NRG1: variants seen among roughly 807,000 people sequenced by gnomAD.
NRG1 encodes the protein neuregulin 1, also known as pro-neuregulin-1, membrane-bound isoform.
In NRG1, 18 loss-of-function variants were observed where a neutral mutation model predicts 63.8. The ratio of observed to expected loss-of-function variants is 0.28; its 90% confidence interval spans 0.19 to 0.42. NRG1 has a LOEUF of 0.42. Ranked by LOEUF, NRG1 falls within the 10% of genes least tolerant of loss-of-function variation. NRG1 has a pLI of 1.00. For missense variants in NRG1, 762 were observed against 814.7 expected, an observed-to-expected ratio of 0.94 and a Z score of 0.79; for synonymous variants, 302 against 301.3, an observed-to-expected ratio of 1.00 and a Z score of -0.02.
intron 1 of NRG1, among the ~76,000 whole-genome samples, chr8:31,695,313 G>A (rs183988492): frequency 2.8e-4 from 43 of 152,272 alleles, no homozygotes; most frequent in African/African-American, 1.0e-3. Context: ...GGGATTAGAG[G>A]CATGCACCAC....
intron 1 of NRG1, among the ~76,000 whole-genome samples, chr8:32,030,054 A>G (rs753242232): frequency 6.6e-6 from 1 of 152,190 alleles, no homozygotes; most frequent in African/African-American, 2.4e-5. Flanking sequence ...TATTTTTACA[A>G]TAATTTAATA....
intron 5 of NRG1, chr8:32,647,317 A>G (rs888375762): frequency 3.0e-6 from 3 of 985,166 alleles, no homozygotes; most frequent in Non-Finnish European, 3.6e-6. Context: ...TGTTTTCTTC[A>G]TCTGAGCAGA....
intron 3 of NRG1, among the ~76,000 whole-genome samples, chr8:32,608,968 T>C (rs1317389097): frequency 6.6e-6 from 1 of 152,192 alleles, no homozygotes; most frequent in African/African-American, 2.4e-5. Context: ...TTGTTGCATA[T>C]TCATTAAAAG....
rs527614559 is a variant in NRG1 at position 32,345,015 on chromosome 8, T to C, written c.38-250813T>C. ...GCTCACAAAAATGTCGGTATTCTAGTAGCTATGCGTTTCATTGACCAGACC... is the reference window on the plus strand; with the variant it reads ...GCTCACAAAAATGTCGGTATTCTAGCAGCTATGCGTTTCATTGACCAGACC... On this transcript the variant is annotated intron_variant, in intron 1 of 10. Coordinates refer to the NRG1 transcript ENST00000519301. Among the ~76,000 whole-genome samples, 6 of 152,256 alleles carry C rather than the reference T, an allele frequency of 3.9e-5. No homozygotes were observed. The South Asian group carries it at 1.2e-3, about 32-fold the overall frequency.
chr8:32,676,501 A>G (rs561531120), intron 5 of NRG1, among the ~76,000 whole-genome samples: 1 of 152,328 alleles, frequency 6.6e-6, no homozygotes, highest in South Asian at 2.1e-4. Context: ...TTTACTGCTC[A>G]TGTGACCCTT....
intron 6 of NRG1, among the ~76,000 whole-genome samples, chr8:32,733,175 A>T (rs1157231719): frequency 6.6e-6 from 1 of 152,120 alleles, no homozygotes; most frequent in Non-Finnish European, 1.5e-5. Context: ...GGGACCACCA[A>T]CTATCTTTAT....
chr8:31,706,027 A>C (rs1009909238), intron 1 of NRG1, among the ~76,000 whole-genome samples: 3 of 152,244 alleles, frequency 2.0e-5, no homozygotes, highest in Non-Finnish European at 4.4e-5. Flanking sequence ...TAACAAGAGC[A>C]GTAAATTAAA....
intron 1 of NRG1, among the ~76,000 whole-genome samples, chr8:32,258,186 C>T (rs187899653): frequency 3.0e-4 from 46 of 152,256 alleles, no homozygotes; most frequent in African/African-American, 1.1e-3. Flanking sequence ...TATGCATTTA[C>T]GTGTGAAGGA....
chr8:32,505,412 A>T (rs1828395163), intron 1 of NRG1, among the ~76,000 whole-genome samples: 1 of 152,184 alleles, frequency 6.6e-6, no homozygotes, highest in South Asian at 2.1e-4. Flanking sequence ...GCTTTTTCAA[A>T]TCCCAGTTCC....
intron 1 of NRG1, among the ~76,000 whole-genome samples, chr8:31,960,562 A>G (rs1324743861): frequency 6.6e-6 from 1 of 152,238 alleles, no homozygotes; most frequent in African/African-American, 2.4e-5. Flanking sequence ...TAGATTCCAG[A>G]ACAATTAACT....
chr8:32,640,245 T>TCACACACACA (rs111977984), intron 5 of NRG1, among the ~76,000 whole-genome samples: 11,094 of 147,576 alleles, frequency 0.075, 478 homozygotes, highest in Middle Eastern at 0.1. Flanking sequence ...CTTCTTTTTG[T>TCACACACACA]CACACACACA....
chr8:32,523,165 C>A (rs1830500849), intron 1 of NRG1, among the ~76,000 whole-genome samples: 2 of 152,050 alleles, frequency 1.3e-5, no homozygotes, highest in African/African-American at 4.8e-5. Context: ...GGGTCAAGGA[C>A]CTCTACAGAT....
chr8:32,264,370 A>G (rs1313800084), intron 1 of NRG1, among the ~76,000 whole-genome samples: 1 of 152,206 alleles, frequency 6.6e-6, no homozygotes, highest in Non-Finnish European at 1.5e-5. Context: ...TAAAAAAAGA[A>G]AGAAAACATT....
At chr8:31,692,827 G>A (rs988643121) in intron 1 of NRG1, among the ~76,000 whole-genome samples, 3 of 152,278 alleles carry the variant, frequency 2.0e-5, no homozygotes, top group East Asian at 3.9e-4. Flanking sequence ...AGAGCCCTAG[G>A]TAGTGAAATC....
intron 1 of NRG1, among the ~76,000 whole-genome samples, chr8:32,342,541 T>C (rs1001460109): frequency 6.6e-6 from 1 of 152,322 alleles, no homozygotes; most frequent in African/African-American, 2.4e-5. Context: ...TGATAAGGGA[T>C]AGAGCCAGAG....
intron 1 of NRG1, among the ~76,000 whole-genome samples, chr8:31,787,953 T>G (rs189562645): frequency 6.6e-6 from 1 of 152,162 alleles, no homozygotes; most frequent in African/African-American, 2.4e-5. Flanking sequence ...TTTTAACTCA[T>G]TTAATCTTCA....
At chr8:32,337,458 TC>T (rs1338391571) in intron 1 of NRG1, among the ~76,000 whole-genome samples, 1 of 151,694 alleles carries the variant, frequency 6.6e-6, no homozygotes, top group African/African-American at 2.4e-5. Context: ...ATTTAGTTTG[TC>T]TGTTTTATAA....
At chr8:32,773,071 G>A (rs1831908823) in intron 7 of NRG1, among the ~76,000 whole-genome samples, 1 of 152,034 alleles carries the variant, frequency 6.6e-6, no homozygotes, top group African/African-American at 2.4e-5. Flanking sequence ...TTCTGAAGTC[G>A]GAAGACCACA....
At chr8:32,498,606 C>A (rs997180670) in intron 1 of NRG1, among the ~76,000 whole-genome samples, 1 of 148,896 alleles carries the variant, frequency 6.7e-6, no homozygotes, top group Admixed American at 6.7e-5. Flanking sequence ...CAATTACCTC[C>A]GACCAGGTCC....
Sources: allele counts gnomAD v4.1 joint callset (sites outside exome capture counted in the v4.1 genomes callset), GRCh38; gene constraint gnomAD v4.1.1; transcripts MANE v1.5; gene names NCBI Gene and HGNC (gene_info 2026-07-23, HGNC 2026-07-21).